SLAMF6: variants seen among roughly 807,000 people sequenced by gnomAD.
SLAMF6 encodes NK-T-B-antigen.
Under a neutral mutation model 38.3 loss-of-function variants are expected in SLAMF6, and 21 were observed. That is an observed-to-expected ratio of 0.55 (90% confidence interval 0.39 to 0.79). The LOEUF (loss-of-function observed/expected upper bound fraction) is 0.79, where lower values mean the gene tolerates loss of function less well. Ranked by LOEUF, SLAMF6 falls within the 30% of genes least tolerant of loss-of-function variation. The pLI, the probability that SLAMF6 is intolerant of heterozygous loss-of-function variation, is 0.00. For synonymous variants in SLAMF6, 152 were observed against 146.3 expected, an observed-to-expected ratio of 1.04 and a Z score of -0.28; for missense variants, 341 against 385.3, an observed-to-expected ratio of 0.89 and a Z score of 0.96.
At chr1:160,513,167 T>C (rs891447770) in intron 1 of SLAMF6, among the ~76,000 whole-genome samples, 1 of 152,094 alleles carries the variant, frequency 6.6e-6, no homozygotes, top group Non-Finnish European at 1.5e-5. Context: ...GAGAGGAACA[T>C]AAATGACTTG....
chr1:160,488,100 A>AAAAAACC, intron 6 of SLAMF6, among the ~76,000 whole-genome samples: 1 of 151,806 alleles, frequency 6.6e-6, no homozygotes, highest in Non-Finnish European at 1.5e-5. Flanking sequence ...CAAAAAAAAA[A>AAAAAACC]AAAAACCAAA....
chr1:160,490,229 T>C lies in SLAMF6; in HGVS notation c.765A>G (p.Leu255=), dbSNP rs755250930. 3.7e-6 allele frequency: 6 copies of C among 1,613,488 alleles called. No homozygotes were observed. In the African/African-American group the frequency reaches 8.0e-5, roughly 22 times the overall value. The stretch of plus-strand genomic sequence containing the variant: ...CCTGTGTTCGCTGAGTAGACAAAGA[T>C]AGGGAATCTGAAAAATAAAACCAGA... The part of the protein sequence containing the change: ...LLVLRKRRDS[L]SLSTQRTQGP... The change falls in exon 5 of 8, where the codon CTA becomes CTG. Residue 255 remains leucine (L), a synonymous_variant. Coordinates refer to ENST00000368057, the MANE Select transcript of SLAMF6 (RefSeq NM_001184714.2).
rs1296788587 is a variant in SLAMF6 at position 160,485,043 on chromosome 1, C to T, written c.*1664G>A. Reference sequence around the variant, plus strand: ...TGTAACAGAATAATAAGATCTATTTCATTTTATTTTATTTATTTATTTTTT... The same window carrying T: ...TGTAACAGAATAATAAGATCTATTTTATTTTATTTTATTTATTTATTTTTT... On this transcript the variant is annotated 3_prime_UTR_variant, in exon 8 of 8. Coordinates refer to ENST00000368057, the MANE Select transcript of SLAMF6 (RefSeq NM_001184714.2). 2.6e-5 allele frequency: 4 copies of T among 151,840 alleles called. No individual in the cohort carries two copies. Among genetic ancestry groups the T allele is most frequent in the South Asian group, 4.2e-4 (2 of 4,818 alleles). 9.4% of individuals were successfully genotyped at this position (151,840 alleles called of 1,614,324 possible). A position where few individuals can be genotyped will look rare whatever the true frequency, so the allele number is the denominator to read the frequency against.
At chr1:160,517,789 TG>T (rs1023180302) in intron 1 of SLAMF6, among the ~76,000 whole-genome samples, 1 of 151,746 alleles carries the variant, frequency 6.6e-6, no homozygotes, top group Non-Finnish European at 1.5e-5. Context: ...CACTTGTAAG[TG>T]GGAGCTGAAC....
chr1:160,493,837 G>A (rs1467367539), intron 2 of SLAMF6, among the ~76,000 whole-genome samples: 2 of 152,080 alleles, frequency 1.3e-5, no homozygotes, highest in African/African-American at 2.4e-5. Context: ...AGCAAGTCAC[G>A]TCTTGCATGG....
At chr1:160,508,457 T>A (rs1229987241) in intron 1 of SLAMF6, among the ~76,000 whole-genome samples, 1 of 152,206 alleles carries the variant, frequency 6.6e-6, no homozygotes, top group Non-Finnish European at 1.5e-5. Flanking sequence ...GCTAGCCATA[T>A]GTAGAAAGCT....
intron 1 of SLAMF6, among the ~76,000 whole-genome samples, chr1:160,496,642 C>T (rs1047552656): frequency 1.3e-5 from 2 of 152,172 alleles, no homozygotes; most frequent in African/African-American, 2.4e-5. Context: ...GCCCAGTCCA[C>T]GCTGGGTCCT....
intron 1 of SLAMF6, among the ~76,000 whole-genome samples, chr1:160,502,879 TAGTC>T (rs1205446477): frequency 2.0e-5 from 3 of 152,188 alleles, no homozygotes; most frequent in South Asian, 2.1e-4. Flanking sequence ...AGGAGAAACA[TAGTC>T]AGGATATTGA....
intron 1 of SLAMF6, among the ~76,000 whole-genome samples, chr1:160,499,473 G>T (rs1197236753): frequency 2.6e-5 from 4 of 151,994 alleles, no homozygotes; most frequent in African/African-American, 9.7e-5. Flanking sequence ...CTTATGGTAT[G>T]GTTCAAAGTC....
intron 1 of SLAMF6, among the ~76,000 whole-genome samples, chr1:160,502,808 A>G (rs553315288): frequency 5.3e-5 from 8 of 152,290 alleles, no homozygotes; most frequent in South Asian, 4.1e-4. Context: ...GCTCCACAGG[A>G]GGCAAATGCA....
intron 2 of SLAMF6, among the ~76,000 whole-genome samples, chr1:160,494,805 A>G (rs116197769): frequency 0.023 from 3,500 of 152,262 alleles, 145 homozygotes; most frequent in African/African-American, 0.079. Context: ...CAGAGGGAGC[A>G]CAGCCCTGCC....
At chr1:160,504,615 T>C (rs930625419) in intron 1 of SLAMF6, among the ~76,000 whole-genome samples, 3 of 152,224 alleles carry the variant, frequency 2.0e-5, no homozygotes, top group Admixed American at 1.3e-4. Flanking sequence ...GAAAAGCACT[T>C]GTCTTTGTCT....
chr1:160,513,650 TA>T (rs773647540), intron 1 of SLAMF6, among the ~76,000 whole-genome samples: 65 of 152,162 alleles, frequency 4.3e-4, no homozygotes, highest in Non-Finnish European at 7.2e-4. Context: ...CCCATCAGAA[TA>T]ACATCAGGCC....
intron 1 of SLAMF6, among the ~76,000 whole-genome samples, chr1:160,502,087 A>C (rs903692551): frequency 2.6e-5 from 4 of 152,226 alleles, no homozygotes; most frequent in Admixed American, 2.6e-4. Context: ...CCCAGAGGGC[A>C]CATGGAGGTC....
chr1:160,493,362 T>A (rs1451513163), intron 2 of SLAMF6, among the ~76,000 whole-genome samples: 1 of 152,202 alleles, frequency 6.6e-6, no homozygotes, highest in Non-Finnish European at 1.5e-5. Context: ...TGATCACTTC[T>A]TTTAAAATTG....
chr1:160,499,749 G>A (rs1653784081), intron 1 of SLAMF6, among the ~76,000 whole-genome samples: 2 of 152,132 alleles, frequency 1.3e-5, no homozygotes, highest in South Asian at 4.2e-4. Context: ...GCTGAATAGG[G>A]AAGGAAATGT....
chr1:160,501,698 CTT>C (rs11324483), intron 1 of SLAMF6, among the ~76,000 whole-genome samples: 2,841 of 138,494 alleles, frequency 0.021, 32 homozygotes, highest in Middle Eastern at 0.04. Context: ...TAATGCCTTG[CTT>C]TTTTTTTTTT....
chr1:160,512,647 AG>A (rs1401044369), intron 1 of SLAMF6, among the ~76,000 whole-genome samples: 1 of 152,164 alleles, frequency 6.6e-6, no homozygotes, highest in African/African-American at 2.4e-5. Context: ...GAGCTCCCAG[AG>A]GAAGAAGCAG....
chr1:160,522,301 C>A (rs1462132636), intron 1 of SLAMF6, among the ~76,000 whole-genome samples: 2 of 152,196 alleles, frequency 1.3e-5, no homozygotes, highest in East Asian at 3.8e-4. Flanking sequence ...TCATGAGACT[C>A]ATAACGTGTG....
Sources: gnomAD v4.1 joint callset for allele counts (sites outside exome capture counted in the v4.1 genomes callset) on GRCh38, gnomAD v4.1.1 for gene constraint, MANE v1.5 for transcripts, NCBI Gene and HGNC (gene_info 2026-07-23, HGNC 2026-07-21) for gene names.